DNAJC11: variants seen among roughly 807,000 people sequenced by gnomAD.
DNAJC11 encodes dnaJ homolog subfamily C member 11.
A neutral mutation model predicts 78.6 loss-of-function variants in DNAJC11; 15 were observed. The ratio of observed to expected loss-of-function variants is 0.19; its 90% CI spans 0.13 to 0.29. DNAJC11 has a LOEUF of 0.29. Ranked by LOEUF, DNAJC11 falls within the 10% of genes least tolerant of loss-of-function variation. The probability of loss-of-function intolerance (pLI) is 1.00; values close to 1 mark genes in which losing one functional copy is unlikely to be tolerated. For missense variants in DNAJC11, 547 were observed against 709.6 expected (o/e 0.77, Z 2.60); for synonymous variants, 292 against 272.1 (o/e 1.07, Z -0.72).
chr1:6,641,365 A>T (rs1290792907), intron 10 of DNAJC11, among the ~76,000 whole-genome samples: 2 of 128,786 alleles, frequency 1.6e-5, no homozygotes, highest in Admixed American at 8.8e-5. Flanking sequence ...TGCAAGAGCG[A>T]AACTCCGTCT....
intron 12 of DNAJC11, chr1:6,638,000 C>T (rs1288349105): frequency 1.3e-5 from 5 of 391,314 alleles, no homozygotes; most frequent in South Asian, 4.6e-5. Context: ...GCAGTATGCT[C>T]GCCACATACC....
chr1:6,642,547 A>G (rs560212150), intron 10 of DNAJC11, among the ~76,000 whole-genome samples: 27 of 152,286 alleles, frequency 1.8e-4, no homozygotes, highest in African/African-American at 6.0e-4. Context: ...ATTTACTGAG[A>G]TAGGAAAGGA....
chr1:6,680,888 A>G lies in DNAJC11; in HGVS notation c.202+20T>C. On this transcript the variant is annotated intron_variant, in intron 2 of 15. Transcript: ENST00000377577. The surrounding 1 kb of genome is among the most constrained non-coding windows in gnomAD (Gnocchi z 4.0). ...TATCTGTTACCAGGATGTTTCTACA[A>G]AGTCCGGCCCTCCACTGACCTTCAT... 1.2e-6 allele frequency: 2 copies of G among 1,605,780 alleles called. No individual in the cohort carries two copies. The highest frequency in any genetic ancestry group is 1.7e-6 in the Non-Finnish European group (2 of 1,175,734).
Position 6,676,089 on chromosome 1 carries a change from C to T in DNAJC11, c.276+2305G>A, listed in dbSNP as rs78627163. Among the ~76,000 whole-genome samples, 962 of 152,282 alleles carry T rather than the reference C, an allele frequency of 6.3e-3. 7 individuals are homozygous for T. Among genetic ancestry groups the T allele is most frequent in the African/African-American group, 0.022 (915 of 41,544 alleles). On this transcript the variant is annotated intron_variant, in intron 3 of 15. Transcript: ENST00000377577. The stretch of plus-strand genomic sequence containing the variant: ...AGTTATTTGGCTTAATACCTAGCTG[C>T]AATGAACCAATGTGACAGGAAGCAC...
At chr1:6,640,855 T>A (rs1265805407) in intron 10 of DNAJC11, among the ~76,000 whole-genome samples, 1 of 151,990 alleles carries the variant, frequency 6.6e-6, no homozygotes, top group Admixed American at 6.6e-5. Flanking sequence ...TGGAAGAGTG[T>A]TAAGTTTAAT....
intron 1 of DNAJC11, among the ~76,000 whole-genome samples, chr1:6,688,301 A>T (rs1642689481): frequency 1.3e-5 from 2 of 152,182 alleles, no homozygotes; most frequent in Non-Finnish European, 2.9e-5. Flanking sequence ...AGATTTACCA[A>T]ATTAACAACA....
intron 10 of DNAJC11, among the ~76,000 whole-genome samples, chr1:6,643,425 G>A (rs932197450): frequency 9.9e-5 from 15 of 151,924 alleles, no homozygotes; most frequent in Admixed American, 3.9e-4. Flanking sequence ...ACAGGCGCCC[G>A]CCACCACGCC....
intron 7 of DNAJC11, 128 bp from the exon 8 acceptor site, chr1:6,646,106 A>C: frequency 4.7e-6 from 2 of 429,584 alleles, no homozygotes; most frequent in South Asian, 4.7e-5. Context: ...AGCTCCCAGT[A>C]AAAAAAAAAG....
chr1:6,690,026 G>A lies in DNAJC11; in HGVS notation c.73-8989C>T, dbSNP rs566252902. Among the ~76,000 whole-genome samples the A allele has an allele frequency of 1.4e-3, 209 of 152,250 alleles. 2 individuals are homozygous for A. The highest frequency in any genetic ancestry group is 4.8e-3 in the African/African-American group (201 of 41,544). The stretch of plus-strand genomic sequence containing the variant: ...GTTGGTATCAGACTCCCATTTTACA[G>A]ATAAAAATCCCGAGGATCGGAAAGA... On this transcript the variant is annotated intron_variant, in intron 1 of 15. Coordinates refer to ENST00000377577, the MANE Select transcript of DNAJC11 (RefSeq NM_018198.4).
rs887297071 is a variant in DNAJC11, at chr1:6,635,052, C to A, written c.*623G>T. ...CTACCCTGTCCCAAGCCGAGGGGGC[C>A]GGTGGAATGACTTGAGCAGCTCTGG... is the stretch of plus-strand genomic sequence containing the variant. On this transcript the variant is annotated 3_prime_UTR_variant, in exon 16 of 16. Coordinates refer to ENST00000377577, the MANE Select transcript of DNAJC11 (RefSeq NM_018198.4). The A allele has an allele frequency of 1.2e-5, 3 of 253,722 alleles. No homozygotes were observed. Among genetic ancestry groups the A allele is most frequent in the Non-Finnish European group, 2.2e-5 (3 of 136,796 alleles). 15.7% of individuals were successfully genotyped at this position (253,722 alleles called of 1,614,324 possible). A position where few individuals can be genotyped will look rare whatever the true frequency, so the allele number is the denominator to read the frequency against.
intron 12 of DNAJC11, 139 bp downstream of exon 12, chr1:6,638,156 G>A (rs1255676021): frequency 1.2e-5 from 9 of 755,318 alleles, no homozygotes; most frequent in East Asian, 8.2e-5. Context: ...GCCCAGTGTC[G>A]CATCCCACAA....
chr1:6,682,883 C>T (rs1263869719), intron 1 of DNAJC11, among the ~76,000 whole-genome samples: 1 of 152,128 alleles, frequency 6.6e-6, no homozygotes, highest in Admixed American at 6.5e-5. Context: ...TATGACTGCA[C>T]CACTGCACTC....
At position 6,644,542 on chromosome 1, in the gene DNAJC11, C is replaced by T. The variant is rs1194638732; in HGVS notation, c.1097+16G>A. 1 of 1,579,708 alleles carries T rather than the reference C, an allele frequency of 6.3e-7. No homozygotes were observed. The highest frequency in any genetic ancestry group is 1.3e-5 in the African/African-American group (1 of 74,274). ...GACAGGCATTCCTTGACCCGAAAGG[C>T]CTAAGTTCAACTTACTTGACTTTGA... On this transcript the variant is annotated intron_variant, in intron 10 of 15. Coordinates refer to ENST00000377577, the MANE Select transcript of DNAJC11 (RefSeq NM_018198.4).
chr1:6,653,449 G>A lies in DNAJC11; in HGVS notation c.507+462C>T, dbSNP rs768289374. On this transcript the variant is annotated intron_variant, in intron 5 of 15. Coordinates refer to ENST00000377577, the MANE Select transcript of DNAJC11 (RefSeq NM_018198.4). The surrounding 1 kb of genome is among the most constrained non-coding windows in gnomAD (Gnocchi z 4.5). ...ACAAAGACCTACTATAAACGCTCAG[G>A]AGAATGACCTGACCTCGTCACATCC... is the stretch of plus-strand genomic sequence containing the variant. Among the ~76,000 whole-genome samples the A allele has an allele frequency of 3.9e-5, 6 of 152,226 alleles. No homozygotes were observed. Among genetic ancestry groups the A allele is most frequent in the Non-Finnish European group, 5.9e-5 (4 of 68,050 alleles).
intron 4 of DNAJC11, among the ~76,000 whole-genome samples, chr1:6,666,056 A>AC (rs1642289041): frequency 6.6e-6 from 1 of 152,214 alleles, no homozygotes; most frequent in South Asian, 2.1e-4. Flanking sequence ...CCAAAAGGTA[A>AC]CCCTGCACTT....
rs1641955165 is a variant in DNAJC11 at position 6,645,778 on chromosome 1, G to A, written c.894+11C>T. On this transcript the variant is annotated intron_variant, in intron 8 of 15. Transcript: ENST00000377577. The surrounding 1 kb of genome is among the most constrained non-coding windows in gnomAD (Gnocchi z 4.1). ...GCTCTGTCTGCAGGAGATGATGGCTGCTCGGCTCACCTGCAGGGCCACAGT... is the reference window on the plus strand; with the variant it reads ...GCTCTGTCTGCAGGAGATGATGGCTACTCGGCTCACCTGCAGGGCCACAGT... 1 of 1,612,656 alleles carries A rather than the reference G, an allele frequency of 6.2e-7. No individual in the cohort carries two copies. Among genetic ancestry groups the A allele is most frequent in the Non-Finnish European group, 8.5e-7 (1 of 1,178,926 alleles).
rs1557461020 is a variant in DNAJC11 at position 6,634,532 on chromosome 1, A to AC, written c.*1142dup. 7.3e-7 allele frequency: 1 copy of AC among 1,362,998 alleles called. No individual in the cohort carries two copies. The highest frequency in any genetic ancestry group is 1.2e-5 in the South Asian group (1 of 86,858). The allele number at this position is 1,362,998 out of a possible 1,614,324, so 84.4% of individuals were successfully genotyped here. On this transcript the variant is annotated 3_prime_UTR_variant, in exon 16 of 16. Transcript: ENST00000377577. ...GCCCCCCGCGCCAGCTGTCTCAGCCACCACCTGTGCGGCGCTTGCTCCGAG... is the reference window on the plus strand; with the variant it reads ...GCCCCCCGCGCCAGCTGTCTCAGCCACCCACCTGTGCGGCGCTTGCTCCGAG...
intron 7 of DNAJC11, among the ~76,000 whole-genome samples, chr1:6,648,194 C>T (rs113675455): frequency 1.2e-3 from 183 of 152,164 alleles, no homozygotes; most frequent in African/African-American, 3.6e-3. Flanking sequence ...TCGGCTCTGT[C>T]GCCCAGGCTG....
At chr1:6,650,154 T>C (rs561150123) in intron 7 of DNAJC11, among the ~76,000 whole-genome samples, 1 of 151,704 alleles carries the variant, frequency 6.6e-6, no homozygotes, top group Admixed American at 6.6e-5. Flanking sequence ...TGCACACCTG[T>C]AGTCCCAGCT....
Sources: gnomAD v4.1 joint callset for allele counts (sites outside exome capture counted in the v4.1 genomes callset) on GRCh38, gnomAD v4.1.1 for gene constraint, Gnocchi (gnomAD v3.1) non-coding constraint, MANE v1.5 for transcripts, NCBI Gene and HGNC (gene_info 2026-07-23, HGNC 2026-07-21) for gene names.